The following TATDN1 variants were observed in gnomAD, a reference collection of about 807,000 sequenced individuals.
The protein encoded by TATDN1 is TatD DNase domain containing 1, also known as deoxyribonuclease TATDN1.
In TATDN1, 40 loss-of-function variants were observed where a neutral mutation model predicts 46.4. The ratio of observed to expected loss-of-function variants is 0.86; its 90% CI spans 0.67 to 1.12. The LOEUF (loss-of-function observed/expected upper bound fraction) is 1.12. Among genes scored for constraint, TATDN1 ranks in the 50% most tolerant of loss-of-function variants. The pLI is 0.00. For synonymous variants in TATDN1, 95 were observed against 105.6 expected (o/e 0.90, Z 0.62); for missense variants, 326 against 348.4 (o/e 0.94, Z 0.51).
At chr8:124,518,177 A>C (rs1174212150) in intron 4 of TATDN1, among the ~76,000 whole-genome samples, 1 of 125,366 alleles carries the variant, frequency 8.0e-6, no homozygotes, top group African/African-American at 3.0e-5. Context: ...GCGCCACTGC[A>C]CTCTAGCCTG....
intron 11 of TATDN1, 59 bp from the exon 12 acceptor site, chr8:124,488,755 C>T: frequency 1.0e-6 from 1 of 998,818 alleles, no homozygotes. Context: ...AGTTCTAAAG[C>T]TATATAATAT....
intron 8 of TATDN1, among the ~76,000 whole-genome samples, chr8:124,506,349 AAAAAAAAGAAAAAG>A (rs1818424700): frequency 6.6e-6 from 1 of 150,500 alleles, no homozygotes; most frequent in African/African-American, 2.5e-5. Context: ...AAAAAAAAAA[AAAAAAAAGAAAAAG>A]AAAAAAAGAA....
chr8:124,527,157 T>C (rs1387998242), intron 1 of TATDN1, among the ~76,000 whole-genome samples: 3 of 152,222 alleles, frequency 2.0e-5, no homozygotes, highest in Non-Finnish European at 4.4e-5. Flanking sequence ...CTGGCTAACG[T>C]ACATATTTAA....
chr8:124,493,690 A>T, intron 11 of TATDN1, 143 bp downstream of exon 11: 1 of 884,610 alleles, frequency 1.1e-6, no homozygotes, highest in Non-Finnish European at 1.7e-6. Context: ...AATTCCTCCA[A>T]ATCACTGCAT....
At chr8:124,529,098 T>C (rs889185676) in intron 1 of TATDN1, among the ~76,000 whole-genome samples, 2 of 152,182 alleles carry the variant, frequency 1.3e-5, no homozygotes, top group Non-Finnish European at 2.9e-5. Flanking sequence ...TTCACACCAC[T>C]GTAAGCTTGC....
intron 8 of TATDN1, among the ~76,000 whole-genome samples, chr8:124,506,326 C>T (rs1358959112): frequency 2.6e-5 from 3 of 114,672 alleles, no homozygotes; most frequent in East Asian, 2.4e-4. Flanking sequence ...CAGAGCAAGG[C>T]TCTGTCTCAA....
intron 11 of TATDN1, chr8:124,489,933 A>AAT: frequency 6.6e-6 from 1 of 152,374 alleles, no homozygotes; most frequent in East Asian, 1.9e-4. Context: ...GAATTTAAAA[A>AAT]ATTGTTTTGT....
At chr8:124,515,598 T>C (rs555108368) in intron 6 of TATDN1, 148 bp downstream of exon 6, 1 of 679,608 alleles carries the variant, frequency 1.5e-6, no homozygotes, top group Non-Finnish European at 2.5e-6. Context: ...CAAGTATGCA[T>C]GGAATTTGTT....
chr8:124,495,584 A>ACGAATACCT (rs1817395259), intron 9 of TATDN1, 42 bp from the exon 10 acceptor site: 1 of 1,462,020 alleles, frequency 6.8e-7, no homozygotes, highest in African/African-American at 1.4e-5. Context: ...GCAGCAATTA[A>ACGAATACCT]CGAATACCTT....
intron 1 of TATDN1, among the ~76,000 whole-genome samples, chr8:124,533,134 C>T (rs1285195426): frequency 6.6e-6 from 1 of 151,932 alleles, no homozygotes; most frequent in South Asian, 2.1e-4. Context: ...CGCCTGTAGT[C>T]CCAGCTACTC....
chr8:124,533,520 C>T (rs568432351), intron 1 of TATDN1, among the ~76,000 whole-genome samples: 8 of 152,170 alleles, frequency 5.3e-5, no homozygotes, highest in Non-Finnish European at 1.2e-4. Flanking sequence ...AACTGGTCAG[C>T]TGTCATGGTG....
At chr8:124,509,485 C>T (rs1215484715) in intron 6 of TATDN1, among the ~76,000 whole-genome samples, 1 of 152,200 alleles carries the variant, frequency 6.6e-6, no homozygotes, top group Admixed American at 6.5e-5. Context: ...TTTGTCTTTT[C>T]ACTTCAACAC....
At chr8:124,534,639 T>A (rs1821279308) in intron 1 of TATDN1, among the ~76,000 whole-genome samples, 1 of 152,272 alleles carries the variant, frequency 6.6e-6, no homozygotes, top group Middle Eastern at 3.4e-3. Context: ...TGGGGTTTCC[T>A]CTCCCAACAA....
At position 124,488,507 on chromosome 8, in the gene TATDN1, C is replaced by G. The variant is rs1816599999; in HGVS notation, c.*87G>C. ...CGATATATAGTATTTCTTTAGACAA[C>G]TTGCAGATAATTTCTTTATTGAAAC... is the stretch of plus-strand genomic sequence containing the variant. On this transcript the variant is annotated 3_prime_UTR_variant, in exon 12 of 12. Coordinates refer to ENST00000276692, the MANE Select transcript of TATDN1 (RefSeq NM_032026.4). The G allele has an allele frequency of 1.5e-6, 1 of 687,680 alleles. No homozygotes were observed. Among genetic ancestry groups the G allele is most frequent in the Non-Finnish European group, 2.5e-6 (1 of 394,600 alleles). 42.6% of individuals were successfully genotyped at this position (687,680 alleles called of 1,614,324 possible).
At chr8:124,495,783 G>A (rs1425240759) in intron 9 of TATDN1, among the ~76,000 whole-genome samples, 1 of 152,118 alleles carries the variant, frequency 6.6e-6, no homozygotes, top group Non-Finnish European at 1.5e-5. Context: ...TTCCAATAGC[G>A]TTCTATATCA....
At position 124,516,032 on chromosome 8, in the gene TATDN1, T is replaced by C; in HGVS notation, c.203-2A>G. 6.3e-7 allele frequency: 1 copy of C among 1,596,088 alleles called. No homozygotes were observed. Among genetic ancestry groups the C allele is most frequent in the Non-Finnish European group, 8.5e-7 (1 of 1,173,342 alleles). On this transcript the variant is annotated splice_acceptor_variant, in intron 4 of 11. Transcript: ENST00000276692. LOFTEE classifies it high-confidence loss of function. ...ATCCAACTGTACTGAAAAACATACC[T>C]AACAGAAAATAATGTCTTAGGATTA...
At chr8:124,506,334 C>CAAAAAAA (rs56023168) in intron 8 of TATDN1, among the ~76,000 whole-genome samples, 59 of 51,670 alleles carry the variant, frequency 1.1e-3, no homozygotes, top group African/African-American at 2.9e-3. Flanking sequence ...GGCTCTGTCT[C>CAAAAAAA]AAAAAAAAAA....
At chr8:124,493,398 T>C (rs897441513) in intron 11 of TATDN1, among the ~76,000 whole-genome samples, 3 of 152,178 alleles carry the variant, frequency 2.0e-5, no homozygotes, top group African/African-American at 7.2e-5. Context: ...ACTTGTGCTA[T>C]ATATATATCA....
intron 6 of TATDN1, among the ~76,000 whole-genome samples, chr8:124,511,764 T>C (rs571181999): frequency 6.6e-6 from 1 of 152,280 alleles, no homozygotes; most frequent in East Asian, 1.9e-4. Flanking sequence ...AGCTAGCATC[T>C]TCCTTTAGGG....
Sources: gnomAD v4.1 joint callset for allele counts (sites outside exome capture counted in the v4.1 genomes callset) on GRCh38, gnomAD v4.1.1 for gene constraint, MANE v1.5 for transcripts, NCBI Gene and HGNC (gene_info 2026-07-23, HGNC 2026-07-21) for gene names.